Variants in MYT1L observed in about 807,000 individuals in gnomAD.
MYT1L encodes myelin transcription factor 1 like, also known as myelin transcription factor 1-like protein.
A neutral mutation model predicts 126.7 loss-of-function variants in MYT1L; 12 were observed. The observed-to-expected ratio is 0.09, with a 90% CI of 0.06 to 0.15. MYT1L has a LOEUF of 0.15. Among genes scored for constraint, MYT1L ranks in the 10% least tolerant of loss-of-function variants. The pLI, the probability that MYT1L is intolerant of heterozygous loss-of-function variation, is 1.00. For synonymous variants in MYT1L, 541 were observed against 604.2 expected, an observed-to-expected ratio of 0.90 and a Z score of 1.53; for missense variants, 979 against 1,585.2, an observed-to-expected ratio of 0.62 and a Z score of 6.49.
intron 4 of MYT1L, among the ~76,000 whole-genome samples, chr2:2,003,203 G>A (rs1450977901): frequency 6.6e-6 from 1 of 152,012 alleles, no homozygotes; most frequent in African/African-American, 2.4e-5. Context: ...CTGCATGGGG[G>A]GCATCTGTGC....
chr2:1,991,220 G>T (rs947222760), intron 5 of MYT1L, among the ~76,000 whole-genome samples: 7 of 152,132 alleles, frequency 4.6e-5, no homozygotes, highest in African/African-American at 1.7e-4. Context: ...CAAATCACAG[G>T]GTGGATCCGG....
intron 3 of MYT1L, among the ~76,000 whole-genome samples, chr2:2,129,466 A>G (rs1014455029): frequency 6.6e-6 from 1 of 152,188 alleles, no homozygotes; most frequent in Non-Finnish European, 1.5e-5. Context: ...AATGGCAGAA[A>G]GTGTGTGATA....
rs190905246 is a variant in MYT1L, at chr2:1,956,379, T to C, written c.153-13045A>G. Among the ~76,000 whole-genome samples the C allele has an allele frequency of 8.2e-5, 12 of 146,348 alleles. 4 individuals are homozygous for C. In the East Asian group the frequency reaches 2.4e-3, roughly 30 times the overall value. Reference sequence around the variant, plus strand: ...TCTATCTATCATCTATCCTATTCTATATTTCCTATTCTTTCTATCTGTCTG... The same window carrying C: ...TCTATCTATCATCTATCCTATTCTACATTTCCTATTCTTTCTATCTGTCTG... On this transcript the variant is annotated intron_variant, in intron 8 of 24. Coordinates refer to ENST00000647738, the MANE Select transcript of MYT1L (RefSeq NM_001303052.2).
chr2:2,096,422 C>A (rs1575134067), intron 3 of MYT1L, among the ~76,000 whole-genome samples: 1 of 152,198 alleles, frequency 6.6e-6, no homozygotes, highest in Non-Finnish European at 1.5e-5. Context: ...TGGTCTATAT[C>A]AAACATGAGT....
intron 4 of MYT1L, among the ~76,000 whole-genome samples, chr2:2,017,379 G>A (rs1225830546): frequency 1.3e-5 from 2 of 152,370 alleles, no homozygotes; most frequent in Middle Eastern, 3.4e-3. Context: ...CCATGTCCCA[G>A]TATGGACGAG....
At chr2:1,949,023 G>A (rs10167552) in intron 8 of MYT1L, among the ~76,000 whole-genome samples, 33,813 of 152,030 alleles carry the variant, frequency 0.22, 3,886 homozygotes, top group East Asian at 0.31. Flanking sequence ...AAACTTCAAA[G>A]AAGTCGTAAA....
At position 1,943,050 on chromosome 2, in the gene MYT1L, C is replaced by A. The variant is rs978727008; in HGVS notation, c.437G>T (p.Gly146Val). 6.7e-7 allele frequency: 1 copy of A among 1,484,126 alleles called. No individual in the cohort carries two copies. The allele number at this position is 1,484,126 out of a possible 1,614,324, so 91.9% of individuals were successfully genotyped here. A position where few individuals can be genotyped will look rare whatever the true frequency, so the allele number is the denominator to read the frequency against. ...CTCTTCTTCATCCTCCACATCTTCT[C>A]CATCCTCGTCATCGTCCTCATCCTC... ...EEEDEDDDED[G>V]EDVEDEEEEE... Residue 146 changes from glycine to valine, a missense_variant, in exon 9 of 25, where the codon GGA becomes GTA. Coordinates refer to ENST00000647738, the MANE Select transcript of MYT1L (RefSeq NM_001303052.2). The surrounding 1 kb of genome is among the most constrained non-coding windows in gnomAD (Gnocchi z 4.4).
At chr2:2,008,374 G>T (rs1157150194) in intron 4 of MYT1L, among the ~76,000 whole-genome samples, 1 of 152,200 alleles carries the variant, frequency 6.6e-6, no homozygotes, top group Non-Finnish European at 1.5e-5. Flanking sequence ...TGTGCAGTGG[G>T]CAGGAAGAAC....
chr2:2,179,793 C>A (rs934987215), intron 2 of MYT1L, among the ~76,000 whole-genome samples: 9 of 152,204 alleles, frequency 5.9e-5, no homozygotes, highest in African/African-American at 2.2e-4. Context: ...TTAGTTTAAG[C>A]TGCTTTGTCC....
chr2:2,231,029 G>C (rs986431596), intron 2 of MYT1L, among the ~76,000 whole-genome samples: 4 of 151,908 alleles, frequency 2.6e-5, no homozygotes, highest in Non-Finnish European at 4.4e-5. Flanking sequence ...CCCAGACTCA[G>C]GGCATAGCAA....
intron 8 of MYT1L, among the ~76,000 whole-genome samples, chr2:1,965,647 C>G (rs1193880487): frequency 6.6e-6 from 1 of 152,222 alleles, no homozygotes; most frequent in East Asian, 1.9e-4. Flanking sequence ...AGAGAGTAGG[C>G]CATCCCTCTG....
rs538158112 is a variant in MYT1L at position 2,198,470 on chromosome 2, G to A, written c.-420-25482C>T. Among the ~76,000 whole-genome samples, 5 of 152,100 alleles carry A rather than the reference G, an allele frequency of 3.3e-5. No individual in the cohort carries two copies. In the South Asian group the frequency reaches 1.0e-3, roughly 32 times the overall value. Reference sequence around the variant, plus strand: ...GTAAAAGTTTAAAATGATGGACATGGTAACTTCCTCAATTCCATCATGATA... The same window carrying A: ...GTAAAAGTTTAAAATGATGGACATGATAACTTCCTCAATTCCATCATGATA... On this transcript the variant is annotated intron_variant, in intron 2 of 24. Transcript: ENST00000647738.
intron 2 of MYT1L, among the ~76,000 whole-genome samples, chr2:2,194,223 G>A (rs1161181344): frequency 6.6e-6 from 1 of 151,986 alleles, no homozygotes; most frequent in African/African-American, 2.4e-5. Flanking sequence ...GGGACCACAG[G>A]CACAAGCCCC....
chr2:1,809,204 T>C (rs778207966), intron 21 of MYT1L, 37 bp from the exon 22 acceptor site: 2 of 1,575,084 alleles, frequency 1.3e-6, no homozygotes, highest in South Asian at 1.1e-5. Context: ...TAGTCAACTG[T>C]CTAATGTCCC....
At chr2:1,815,299 C>T (rs568624680) in intron 21 of MYT1L, among the ~76,000 whole-genome samples, 26 of 152,182 alleles carry the variant, frequency 1.7e-4, no homozygotes, top group Admixed American at 5.9e-4. Context: ...GATGTCTCTG[C>T]CACCTTCGCT....
chr2:2,136,312 G>C (rs1454357626), intron 3 of MYT1L, among the ~76,000 whole-genome samples: 3 of 152,196 alleles, frequency 2.0e-5, no homozygotes, highest in African/African-American at 4.8e-5. Flanking sequence ...TGGTTTGAAA[G>C]AGTTAATATG....
rs2054631457 is a variant in MYT1L, at chr2:1,929,265, T to C, written c.506-6002A>G. On this transcript the variant is annotated intron_variant, in intron 9 of 24. Coordinates refer to ENST00000647738, the MANE Select transcript of MYT1L (RefSeq NM_001303052.2). This position sits in a 1 kb window ranked among gnomAD's most constrained non-coding sequence, Gnocchi z 4.7. ...CCTCAGCTGCCGGCAGCACAGGACA[T>C]GGCCTGGCTCCGGGATCAGCTATTC... Among the ~76,000 whole-genome samples, 4 of 152,080 alleles carry C rather than the reference T, an allele frequency of 2.6e-5. No individual in the cohort carries two copies. The highest frequency in any genetic ancestry group is 2.1e-4 in the South Asian group (1 of 4,822).
At chr2:2,051,961 G>A (rs1022090709) in intron 4 of MYT1L, among the ~76,000 whole-genome samples, 8 of 151,670 alleles carry the variant, frequency 5.3e-5, no homozygotes, top group African/African-American at 1.5e-4. Context: ...TGCAAGATTC[G>A]TAAATGTTAA....
intron 3 of MYT1L, among the ~76,000 whole-genome samples, chr2:2,088,416 G>A (rs1046367480): frequency 1.3e-5 from 2 of 152,170 alleles, no homozygotes; most frequent in African/African-American, 4.8e-5. Flanking sequence ...TTGCAGTCCT[G>A]GTGGTGAGGC....
Sources: allele counts gnomAD v4.1 joint callset (sites outside exome capture counted in the v4.1 genomes callset), GRCh38; gene constraint gnomAD v4.1.1; non-coding constraint Gnocchi (gnomAD v3.1); transcripts MANE v1.5; gene names NCBI Gene and HGNC (gene_info 2026-07-23, HGNC 2026-07-21).